The following ADH5 variants were observed in gnomAD, a reference collection of about 807,000 sequenced individuals.
The protein encoded by ADH5 is alcohol dehydrogenase class-3.
In ADH5, 32 loss-of-function variants were observed where a neutral mutation model predicts 40.3. The ratio of observed to expected loss-of-function variants is 0.79; its 90% CI spans 0.60 to 1.07. The LOEUF (loss-of-function observed/expected upper bound fraction) is 1.07. Ranked by LOEUF, ADH5 falls within the 50% of genes least tolerant of loss-of-function variation. ADH5 has a pLI of 0.00. For synonymous variants in ADH5, 125 were observed against 154.3 expected (o/e 0.81, Z 1.41); for missense variants, 353 against 460.5 (o/e 0.77, Z 2.14).
In ADH5 at chr4:99,072,253, A is replaced by G. The variant is rs1017194004; in HGVS notation, c.*164T>C. The G allele has an allele frequency of 1.8e-6, 1 of 571,106 alleles. No individual in the cohort carries two copies. The highest frequency in any genetic ancestry group is 3.0e-5 in the East Asian group (1 of 33,550). 35.4% of individuals were successfully genotyped at this position (571,106 alleles called of 1,614,324 possible). On this transcript the variant is annotated 3_prime_UTR_variant, in exon 9 of 9. Coordinates refer to ENST00000296412, the MANE Select transcript of ADH5 (RefSeq NM_000671.4). ...CAGAAAACAGGTTCATGACTGAATT[A>G]TCCTTGTCCTTGATTATAGAGATTC...
At chr4:99,085,997 A>G (rs182944638) in intron 1 of ADH5, among the ~76,000 whole-genome samples, 128 of 152,246 alleles carry the variant, frequency 8.4e-4, no homozygotes, top group Admixed American at 1.3e-3. Context: ...AGATTGTGCC[A>G]CTGCACTCCA....
intron 1 of ADH5, among the ~76,000 whole-genome samples, chr4:99,086,932 T>G (rs1728148854): frequency 1.3e-5 from 1 of 76,794 alleles, no homozygotes; most frequent in Non-Finnish European, 2.1e-5. Flanking sequence ...AGAGCAAGAC[T>G]GCGTCTCAAA....
intron 4 of ADH5, 125 bp from the exon 5 acceptor site, chr4:99,077,048 T>C (rs1727944933): frequency 1.4e-6 from 1 of 695,212 alleles, no homozygotes; most frequent in African/African-American, 1.8e-5. Context: ...CAATTTCAAA[T>C]ATATTCATTA....
At position 99,072,629 on chromosome 4, in the gene ADH5, G is replaced by C; in HGVS notation, c.1044C>G (p.His348Gln). 6.2e-7 allele frequency: 1 copy of C among 1,613,742 alleles called. No individual in the cohort carries two copies. The highest frequency in any genetic ancestry group is 8.5e-7 in the Non-Finnish European group (1 of 1,179,786). ...KKIKVDEFVT[H>Q]NLSFDEINKA... is the part of the protein sequence containing the mutation. ...TGTTGATTTCATCAAAAGACAGATT[G>C]TGAGTCACAAATTCATCAACTTTTA... Residue 348 changes from histidine (H) to glutamine (Q), a missense_variant, in exon 8 of 9, where the codon CAC (histidine) becomes CAG (glutamine). His to Gln is a conservative substitution (Grantham distance 24). Transcript: ENST00000296412.
At chr4:99,076,672 G>A (rs753365939) in intron 5 of ADH5, 32 bp downstream of exon 5, 2 of 1,605,436 alleles carry the variant, frequency 1.2e-6, no homozygotes, top group South Asian at 2.2e-5. Context: ...AAATTAGAAG[G>A]CAGAAGCAAA....
chr4:99,076,979 G>A, intron 4 of ADH5, 56 bp from the exon 5 acceptor site: 2 of 1,252,244 alleles, frequency 1.6e-6, no homozygotes, highest in Non-Finnish European at 2.2e-6. Flanking sequence ...AAAACCCACA[G>A]GAAAAAGAAA....
chr4:99,083,600 CAAAAAAAAAAA>C (rs6148593), intron 2 of ADH5, among the ~76,000 whole-genome samples: 1 of 85,172 alleles, frequency 1.2e-5, no homozygotes, highest in Admixed American at 1.2e-4. Flanking sequence ...ACTCTGTCTC[CAAAAAAAAAAA>C]AAAAAAAAAA....
chr4:99,081,981 T>G lies in ADH5; in HGVS notation c.250A>C (p.Lys84Gln). 6.2e-7 allele frequency: 1 copy of G among 1,613,754 alleles called. No homozygotes were observed. Among genetic ancestry groups the G allele is most frequent in the Non-Finnish European group, 8.5e-7 (1 of 1,179,708 alleles). Reference sequence around the variant, plus strand: ...GTTCAAGTATTCTCCTTACCCGCCTTCAGCTTAGTAACTCCCTCACCAACA... The same window carrying G: ...GTTCAAGTATTCTCCTTACCCGCCTGCAGCTTAGTAACTCCCTCACCAACA... Reference protein sequence around the residue: ...ESVGEGVTKLKAGDTVIPLYI... With the variant: ...ESVGEGVTKLQAGDTVIPLYI... Residue 84 changes from lysine to glutamine, a missense_variant, in exon 3 of 9, where the codon AAG becomes CAG. Physicochemically the swap from Lys to Gln is moderately conservative, Grantham distance 53. Transcript: ENST00000296412.
At position 99,071,592 on chromosome 4, in the gene ADH5, G is replaced by T. The variant is rs914104981; in HGVS notation, c.*825C>A. The T allele has an allele frequency of 3.3e-5, 5 of 152,180 alleles. No homozygotes were observed. The highest frequency in any genetic ancestry group is 1.2e-4 in the African/African-American group (5 of 41,450). 9.4% of individuals were successfully genotyped at this position (152,180 alleles called of 1,614,324 possible). Reference sequence around the variant, plus strand: ...TAAAAATATATAAAACAGTACTAAAGAGTAGATGGTTTAGGTTATACACAG... The same window carrying T: ...TAAAAATATATAAAACAGTACTAAATAGTAGATGGTTTAGGTTATACACAG... On this transcript the variant is annotated 3_prime_UTR_variant, in exon 9 of 9. Coordinates refer to ENST00000296412, the MANE Select transcript of ADH5 (RefSeq NM_000671.4).
Position 99,072,082 on chromosome 4 carries a change from CCTT to C in ADH5, c.*332_*334del, listed in dbSNP as rs1727843556. 4.2e-6 allele frequency: 1 copy of C among 238,242 alleles called. No homozygotes were observed. Among genetic ancestry groups the C allele is most frequent in the Non-Finnish European group, 8.0e-6 (1 of 124,708 alleles). The allele number at this position is 238,242 out of a possible 1,614,324, so 14.8% of individuals were successfully genotyped here. ...CACTGCCCTGCTTCCTTTCCCTTTC[CCTT>C]GCAGAATGAAGATAATGGGCAGACA... On this transcript the variant is annotated 3_prime_UTR_variant, in exon 9 of 9. Coordinates refer to ENST00000296412, the MANE Select transcript of ADH5 (RefSeq NM_000671.4).
Position 99,085,223 on chromosome 4 carries a change from T to G in ADH5, c.13-7A>C. ...CAGCCTTGCACTTGATAACCTGAAG[T>G]GGGGAAAAAAGGGAATAAGCTGTTT... On this transcript the variant is annotated splice_region_variant and splice_polypyrimidine_tract_variant and intron_variant, in intron 1 of 8. Coordinates refer to ENST00000296412, the MANE Select transcript of ADH5 (RefSeq NM_000671.4). 4 of 1,461,524 alleles carry G rather than the reference T, an allele frequency of 2.7e-6. No homozygotes were observed. The highest frequency in any genetic ancestry group is 3.6e-6 in the Non-Finnish European group (4 of 1,098,650). The allele number at this position is 1,461,524 out of a possible 1,614,324, so 90.5% of individuals were successfully genotyped here.
At position 99,081,366 on chromosome 4, in the gene ADH5, T is replaced by G; in HGVS notation, c.343A>C (p.Arg115=). The change falls in exon 4 of 9, where the codon AGA becomes CGA. Residue 115 remains arginine, a splice_region_variant and synonymous_variant. Transcript: ENST00000296412. ...NPKTNLCQKI[R]VTQGKGLMPD... is the part of the protein sequence containing the mutation. ...AGAAGAACATAAAAAGATACTAACCTTATCTTCTGGCAAAGGTTAGTTTTA... is the reference window on the plus strand; with the variant it reads ...AGAAGAACATAAAAAGATACTAACCGTATCTTCTGGCAAAGGTTAGTTTTA... 1.3e-6 allele frequency: 2 copies of G among 1,574,436 alleles called. No individual in the cohort carries two copies. The highest frequency in any genetic ancestry group is 1.7e-6 in the Non-Finnish European group (2 of 1,151,424).
Position 99,076,922 on chromosome 4 carries a change from C to T in ADH5, c.346G>A (p.Val116Ile), listed in dbSNP as rs1727942905. 3 of 1,593,972 alleles carry T rather than the reference C, an allele frequency of 1.9e-6. No individual in the cohort carries two copies. Among genetic ancestry groups the T allele is most frequent in the Non-Finnish European group, 2.6e-6 (3 of 1,172,958 alleles). ...GGCATTAATCCTTTCCCTTGAGTGA[C>T]TCTAAAGAAAAAAAAAGGAAAAAGG... Reference protein sequence around the residue: ...PKTNLCQKIRVTQGKGLMPDG... With the variant: ...PKTNLCQKIRITQGKGLMPDG... The change falls in exon 5 of 9, where the codon GTC (valine) becomes ATC (isoleucine). Residue 116 changes from valine (V) to isoleucine (I), a missense_variant and splice_region_variant. Physicochemically the swap from Val to Ile is conservative, Grantham distance 29. Coordinates refer to ENST00000296412, the MANE Select transcript of ADH5 (RefSeq NM_000671.4).
Position 99,081,893 on chromosome 4 carries a change from G to A in ADH5, c.256+82C>T, listed in dbSNP as rs1728031832. 54 of 1,409,424 alleles carry A rather than the reference G, an allele frequency of 3.8e-5. No individual in the cohort carries two copies. In the South Asian group the frequency reaches 6.3e-4, roughly 16 times the overall value. 87.3% of individuals were successfully genotyped at this position (1,409,424 alleles called of 1,614,324 possible). On this transcript the variant is annotated intron_variant, in intron 3 of 8. Coordinates refer to ENST00000296412, the MANE Select transcript of ADH5 (RefSeq NM_000671.4). ...CTTAGATGATACCTATTCATAAATA[G>A]TGGGTAGTTTTATCAGAAAAACAAT...
chr4:99,087,403 G>C (rs1728167009), intron 1 of ADH5, among the ~76,000 whole-genome samples: 1 of 134,476 alleles, frequency 7.4e-6, no homozygotes, highest in South Asian at 2.9e-4. Flanking sequence ...GGGAGGGGGG[G>C]GGGAGGGAAA....
At chr4:99,079,576 T>C (rs1239627874) in intron 4 of ADH5, among the ~76,000 whole-genome samples, 1 of 152,156 alleles carries the variant, frequency 6.6e-6, no homozygotes, top group African/African-American at 2.4e-5. Flanking sequence ...TACATAATCA[T>C]TCATTGAGCT....
At chr4:99,081,248 CGACTGGGTTAAT>C in intron 4 of ADH5, 105 bp downstream of exon 4, 1 of 574,072 alleles carries the variant, frequency 1.7e-6, no homozygotes, top group Middle Eastern at 5.4e-4. Flanking sequence ...AACGTTAATC[CGACTGGGTTAAT>C]GAACCTAAAT....
At chr4:99,074,603 T>A (rs1194466628) in intron 7 of ADH5, among the ~76,000 whole-genome samples, 1 of 152,198 alleles carries the variant, frequency 6.6e-6, no homozygotes, top group Non-Finnish European at 1.5e-5. Context: ...TACTTTGCAA[T>A]CAACTTCCTG....
At chr4:99,086,709 C>T (rs1412736171) in intron 1 of ADH5, among the ~76,000 whole-genome samples, 1 of 151,908 alleles carries the variant, frequency 6.6e-6, no homozygotes, top group East Asian at 1.9e-4. Context: ...CTTTGGGAGG[C>T]CGAGGCGGGC....
Sources: gnomAD v4.1 joint callset for allele counts (sites outside exome capture counted in the v4.1 genomes callset) on GRCh38, gnomAD v4.1.1 for gene constraint, MANE v1.5 for transcripts, NCBI Gene and HGNC (gene_info 2026-07-23, HGNC 2026-07-21) for gene names.